The following LINGO2 variants were observed in gnomAD, a reference collection of about 807,000 sequenced individuals.
LINGO2 encodes the protein leucine-rich repeat and immunoglobulin-like domain-containing nogo receptor-interacting protein 2.
Under a neutral mutation model 30.6 loss-of-function variants are expected in LINGO2, and 14 were observed. The ratio of observed to expected loss-of-function variants is 0.46; its 90% CI spans 0.30 to 0.72. The LOEUF (loss-of-function observed/expected upper bound fraction) is 0.72. Ranked by LOEUF, LINGO2 falls within the 30% of genes least tolerant of loss-of-function variation. The pLI is 0.07. For synonymous variants in LINGO2, 317 were observed against 288.5 expected, an observed-to-expected ratio of 1.10 and a Z score of -1.00; for missense variants, 729 against 751.7, an observed-to-expected ratio of 0.97 and a Z score of 0.35.
chr9:28,507,275 T>C (rs933903278), intron 1 of LINGO2, among the ~76,000 whole-genome samples: 2 of 151,322 alleles, frequency 1.3e-5, no homozygotes, highest in Non-Finnish European at 2.9e-5. Flanking sequence ...AATTACTCTT[T>C]CCTACCCAAC....
chr9:28,601,006 G>GT (rs561993282), intron 1 of LINGO2, among the ~76,000 whole-genome samples: 14 of 151,878 alleles, frequency 9.2e-5, no homozygotes, highest in Admixed American at 1.3e-4. Context: ...AATAAACCAT[G>GT]TTTTTTTTCT....
intron 1 of LINGO2, among the ~76,000 whole-genome samples, chr9:28,548,864 A>G (rs1587839767): frequency 1.3e-5 from 2 of 152,068 alleles, no homozygotes; most frequent in African/African-American, 2.4e-5. Flanking sequence ...AAGGGATATT[A>G]ACTTTATTCT....
chr9:29,054,933 T>C, the LINGO2 span, among the ~76,000 whole-genome samples: 1 of 151,936 alleles, frequency 6.6e-6, no homozygotes, highest in Non-Finnish European at 1.5e-5. Context: ...AAAAGTACAG[T>C]GTAGGACAGG....
chr9:28,386,779 A>G (rs926333970), intron 2 of LINGO2, among the ~76,000 whole-genome samples: 22 of 152,230 alleles, frequency 1.4e-4, no homozygotes, highest in African/African-American at 5.1e-4. Flanking sequence ...ATGAAGATGA[A>G]TATGTTAAAA....
intron 5 of LINGO2, among the ~76,000 whole-genome samples, chr9:27,979,078 A>G (rs1404671718): frequency 6.6e-6 from 1 of 152,016 alleles, no homozygotes; most frequent in Non-Finnish European, 1.5e-5. Context: ...TCTAAACCCC[A>G]TATACTTAAT....
chr9:28,416,963 T>A (rs1822992318), intron 2 of LINGO2, among the ~76,000 whole-genome samples: 1 of 152,160 alleles, frequency 6.6e-6, no homozygotes, highest in African/African-American at 2.4e-5. Flanking sequence ...TATGCATTTA[T>A]ATACCCTTAC....
chr9:28,860,349 T>C, the LINGO2 span, among the ~76,000 whole-genome samples: 2 of 152,174 alleles, frequency 1.3e-5, no homozygotes, highest in East Asian at 3.9e-4. Context: ...CCCTCTATAA[T>C]GTGGGTAGGC....
At chr9:28,992,910 C>A in the LINGO2 span, among the ~76,000 whole-genome samples, 340 of 151,766 alleles carry the variant, frequency 2.2e-3, 1 homozygote, top group African/African-American at 8.0e-3. Context: ...CAAGAGTAAG[C>A]AGGAAAGATC....
At chr9:28,104,266 GTTTTTTTT>G (rs74180789) in intron 4 of LINGO2, among the ~76,000 whole-genome samples, 1 of 97,430 alleles carries the variant, frequency 1.0e-5, no homozygotes, top group African/African-American at 3.8e-5. Flanking sequence ...TTTTTTGTTT[GTTTTTTTT>G]TTTTTTTTTT....
chr9:28,691,180 T>C, the LINGO2 span, among the ~76,000 whole-genome samples: 4 of 152,220 alleles, frequency 2.6e-5, no homozygotes, highest in African/African-American at 9.6e-5. Flanking sequence ...TATATCTCAA[T>C]AGTTCTCAAA....
At chr9:28,674,144 A>G (rs970570652), upstream of LINGO2, among the ~76,000 whole-genome samples, 1 of 152,148 alleles carries the variant, frequency 6.6e-6, no homozygotes, top group Non-Finnish European at 1.5e-5. Flanking sequence ...ATATTTTTAA[A>G]CTACAAACAG....
chr9:28,985,361 A>T, the LINGO2 span, among the ~76,000 whole-genome samples: 1 of 152,032 alleles, frequency 6.6e-6, no homozygotes, highest in Admixed American at 6.6e-5. Flanking sequence ...ACTGACTTCA[A>T]ATCTTTTGGG....
chr9:28,814,653 C>T, the LINGO2 span, among the ~76,000 whole-genome samples: 1 of 151,944 alleles, frequency 6.6e-6, no homozygotes, highest in Non-Finnish European at 1.5e-5. Flanking sequence ...TTTGGGAGGC[C>T]GAGGCAGACG....
intron 2 of LINGO2, among the ~76,000 whole-genome samples, chr9:28,392,630 C>T (rs1162484101): frequency 1.3e-5 from 2 of 152,146 alleles, no homozygotes; most frequent in African/African-American, 4.8e-5. Flanking sequence ...CTCCAGTTCC[C>T]CCTACCCTTC....
chr9:28,758,478 T>C, the LINGO2 span, among the ~76,000 whole-genome samples: 1 of 152,088 alleles, frequency 6.6e-6, no homozygotes, highest in Non-Finnish European at 1.5e-5. Context: ...TTTGTAAATT[T>C]CCCGTATAAA....
chr9:28,563,883 G>A (rs192286813), intron 1 of LINGO2, among the ~76,000 whole-genome samples: 5 of 152,134 alleles, frequency 3.3e-5, no homozygotes, highest in East Asian at 1.9e-4. Context: ...CTCTGCCAAC[G>A]GGTTTTCTAG....
chr9:28,214,581 T>A (rs1487671029), intron 4 of LINGO2, among the ~76,000 whole-genome samples: 1 of 151,644 alleles, frequency 6.6e-6, no homozygotes, highest in Non-Finnish European at 1.5e-5. Context: ...CATTTTCTCA[T>A]TTTCTTTCCC....
chr9:28,587,073 A>G (rs1824584439), intron 1 of LINGO2, among the ~76,000 whole-genome samples: 1 of 151,966 alleles, frequency 6.6e-6, no homozygotes. Context: ...AGTTTCCAGA[A>G]GAGTAAGAGA....
chr9:28,562,842 G>T (rs923988946), intron 1 of LINGO2, among the ~76,000 whole-genome samples: 3 of 151,704 alleles, frequency 2.0e-5, no homozygotes, highest in Non-Finnish European at 2.9e-5. Context: ...ATTTATTTGT[G>T]TATTTATTTA....
Sources: allele counts gnomAD v4.1 joint callset (sites outside exome capture counted in the v4.1 genomes callset), GRCh38; gene constraint gnomAD v4.1.1; transcripts MANE v1.5; gene names NCBI Gene and HGNC (gene_info 2026-07-23, HGNC 2026-07-21).